Variants in TBXAS1 observed in about 807,000 individuals in gnomAD.
TBXAS1 encodes the protein thromboxane-A synthase.
TBXAS1 carries 48 observed loss-of-function variants against 60.7 expected under a neutral mutation model. The observed-to-expected ratio is 0.79, with a 90% confidence interval of 0.63 to 1.01. TBXAS1 has a LOEUF of 1.01. Ranked by LOEUF, TBXAS1 falls within the 50% of genes least tolerant of loss-of-function variation. TBXAS1 has a pLI of 0.00. For missense variants in TBXAS1, 685 were observed against 686.3 expected, an observed-to-expected ratio of 1.00 and a Z score of 0.02; for synonymous variants, 287 against 269.7, an observed-to-expected ratio of 1.06 and a Z score of -0.63.
At chr7:139,960,683 T>C (rs1197444326) in intron 8 of TBXAS1, among the ~76,000 whole-genome samples, 1 of 150,936 alleles carries the variant, frequency 6.6e-6, no homozygotes, top group Non-Finnish European at 1.5e-5. Flanking sequence ...GAGGTGGAGG[T>C]TGCAGTGAGC....
chr7:139,953,219 C>A (rs964111950), intron 5 of TBXAS1, 149 bp from the exon 6 acceptor site: 6 of 699,718 alleles, frequency 8.6e-6, no homozygotes, highest in Non-Finnish European at 1.0e-5. Context: ...ATTTTAGGAT[C>A]TTCTTCTTGA....
In TBXAS1 at chr7:139,829,440, C is replaced by T. The variant is rs61733586; in HGVS notation, c.50C>T (p.Thr17Met). 4.0e-5 allele frequency: 64 copies of T among 1,613,886 alleles called. No individual in the cohort carries two copies. The African/African-American group carries it at 5.1e-4, about 13-fold the overall frequency. ...LKLEVNGPMVTVALSVALLAL... is the reference protein window; with the variant it reads ...LKLEVNGPMVMVALSVALLAL... ...TTGGAAGTGAATGGCCCCATGGTGACGGTGGCCCTGTCAGTGGCTCTCTTG... is the reference window on the plus strand; with the variant it reads ...TTGGAAGTGAATGGCCCCATGGTGATGGTGGCCCTGTCAGTGGCTCTCTTG... The change falls in exon 1 of 13, where the codon ACG (threonine) becomes ATG (methionine). Residue 17 changes from threonine (T) to methionine (M), a missense_variant. Physicochemically the swap from Thr to Met is moderately conservative, Grantham distance 81. Coordinates refer to ENST00000448866, the MANE Select transcript of TBXAS1 (RefSeq NM_001061.7).
chr7:139,823,427 A>C (rs1296126919), intron 4 of TBXAS1, among the ~76,000 whole-genome samples: 1 of 152,120 alleles, frequency 6.6e-6, no homozygotes, highest in African/African-American at 2.4e-5. Context: ...CCGCTCTCAG[A>C]AATGGAACAG....
chr7:139,938,329 G>A (rs771259897), intron 5 of TBXAS1, among the ~76,000 whole-genome samples: 7 of 152,108 alleles, frequency 4.6e-5, no homozygotes, highest in African/African-American at 7.2e-5. Context: ...ATTCTCATTC[G>A]CTTGGTTTGC....
chr7:139,789,082 A>G (rs564729468), intron 4 of TBXAS1, among the ~76,000 whole-genome samples: 3 of 152,194 alleles, frequency 2.0e-5, no homozygotes, highest in African/African-American at 4.8e-5. Context: ...TGGTAAATGG[A>G]GGTCGTTAGT....
intron 1 of TBXAS1, among the ~76,000 whole-genome samples, chr7:139,858,348 T>C (rs145454910): frequency 9.8e-5 from 15 of 152,316 alleles, no homozygotes; most frequent in African/African-American, 3.4e-4. Flanking sequence ...TTTTTCCAGA[T>C]TAACTTTGGG....
chr7:140,012,993 T>C (rs1814735921), intron 10 of TBXAS1, among the ~76,000 whole-genome samples: 1 of 151,690 alleles, frequency 6.6e-6, no homozygotes, highest in African/African-American at 2.4e-5. Context: ...GTAGGTCTTT[T>C]GTGGCAAGGA....
intron 10 of TBXAS1, among the ~76,000 whole-genome samples, chr7:140,009,439 C>T (rs1395524589): frequency 6.6e-6 from 1 of 152,144 alleles, no homozygotes; most frequent in Non-Finnish European, 1.5e-5. Context: ...ACAGGTGGAA[C>T]TGTAGTGCCC....
intron 9 of TBXAS1, among the ~76,000 whole-genome samples, chr7:139,971,017 C>T (rs1811156188): frequency 6.6e-6 from 1 of 152,152 alleles, no homozygotes. Flanking sequence ...AGCCAAAGAG[C>T]ATGTCTCTGA....
intron 3 of TBXAS1, among the ~76,000 whole-genome samples, chr7:139,878,301 A>G (rs1802419298): frequency 6.6e-6 from 1 of 152,244 alleles, no homozygotes; most frequent in African/African-American, 2.4e-5. Flanking sequence ...AGGATATCCA[A>G]TCAACTTTTT....
At chr7:139,875,682 T>C (rs1353120458) in intron 3 of TBXAS1, 45 bp downstream of exon 3, 1 of 1,607,604 alleles carries the variant, frequency 6.2e-7, no homozygotes, top group African/African-American at 1.3e-5. Context: ...ATATTTTCTA[T>C]TATGTACGAT....
At chr7:139,983,860 A>G (rs1812134497) in intron 9 of TBXAS1, among the ~76,000 whole-genome samples, 2 of 152,144 alleles carry the variant, frequency 1.3e-5, no homozygotes, top group South Asian at 4.1e-4. Context: ...CAATATTTTT[A>G]TTAGTTCAGT....
intron 1 of TBXAS1, among the ~76,000 whole-genome samples, chr7:139,780,244 C>T (rs1300938342): frequency 6.6e-6 from 1 of 152,248 alleles, no homozygotes; most frequent in Non-Finnish European, 1.5e-5. Flanking sequence ...CTCTCTGCCC[C>T]TTTCTAGTGC....
intron 3 of TBXAS1, among the ~76,000 whole-genome samples, chr7:139,884,243 A>G (rs774631065): frequency 2.0e-5 from 3 of 152,362 alleles, no homozygotes; most frequent in Non-Finnish European, 4.4e-5. Flanking sequence ...CCCACCCAGT[A>G]GCACCTTCTT....
chr7:139,978,358 C>G (rs1316788778), intron 9 of TBXAS1, among the ~76,000 whole-genome samples: 1 of 151,570 alleles, frequency 6.6e-6, no homozygotes, highest in East Asian at 1.9e-4. Flanking sequence ...AAAAATACAA[C>G]AATTAGCCGG....
chr7:139,944,032 A>G (rs540333191), intron 5 of TBXAS1, among the ~76,000 whole-genome samples: 3 of 152,344 alleles, frequency 2.0e-5, no homozygotes, highest in South Asian at 4.1e-4. Context: ...TATAAAGGTC[A>G]ACAAATATTT....
intron 5 of TBXAS1, among the ~76,000 whole-genome samples, chr7:139,950,207 A>G (rs965281912): frequency 2.0e-5 from 3 of 151,608 alleles, no homozygotes; most frequent in African/African-American, 7.3e-5. Context: ...TAATTTTTAT[A>G]TTTTTAGTAG....
In TBXAS1 at chr7:140,003,098, T is replaced by C. The variant is rs534283713; in HGVS notation, c.1135-3993T>C. ...GAGACCGGGCCATTGTACTCCAGCC[T>C]GGGCAACAAGAGCGAAACTCCGTCT... is the stretch of plus-strand genomic sequence containing the variant. On this transcript the variant is annotated intron_variant, in intron 9 of 12. Transcript: ENST00000448866. 3.3e-3 allele frequency among the ~76,000 whole-genome samples: 425 copies of C among 127,024 alleles called. 1 individual carries two copies. The highest frequency in any genetic ancestry group is 0.012 in the African/African-American group (406 of 32,788). The allele number at this position is 127,024 out of a possible 152,430, so 83.3% of individuals were successfully genotyped here. A position where few individuals can be genotyped will look rare whatever the true frequency, so the allele number is the denominator to read the frequency against.
chr7:139,991,308 T>C (rs1466319171), intron 9 of TBXAS1, among the ~76,000 whole-genome samples: 1 of 152,018 alleles, frequency 6.6e-6, no homozygotes, highest in Non-Finnish European at 1.5e-5. Flanking sequence ...TGCAGGTCCG[T>C]GACCCCCACG....
Sources: gnomAD v4.1 joint callset for allele counts (sites outside exome capture counted in the v4.1 genomes callset) on GRCh38, gnomAD v4.1.1 for gene constraint, MANE v1.5 for transcripts, NCBI Gene and HGNC (gene_info 2026-07-23, HGNC 2026-07-21) for gene names.